The following FANCB variants were observed in gnomAD, a reference collection of about 807,000 sequenced individuals.
FANCB encodes the protein Fanconi anemia group B protein.
A neutral mutation model predicts 38.9 loss-of-function variants in FANCB; 5 were observed. The observed-to-expected ratio is 0.13, with a 90% confidence interval of 0.07 to 0.27. FANCB has a LOEUF of 0.27. Among genes scored for constraint, FANCB ranks in the 10% least tolerant of loss-of-function variants. The pLI, the probability that FANCB is intolerant of heterozygous loss-of-function variation, is 1.00. For missense variants in FANCB, 573 were observed against 602.7 expected, an observed-to-expected ratio of 0.95 and a Z score of 0.52; for synonymous variants, 236 against 215.4, an observed-to-expected ratio of 1.10 and a Z score of -0.84.
At chrX:14,719,433 C>T in the FANCB span, among the ~76,000 whole-genome samples, 1 of 111,813 alleles carries the variant, frequency 8.9e-6, no homozygotes, top group East Asian at 2.8e-4. Flanking sequence ...ATACAAATGA[C>T]CAACAGGTAT....
the FANCB span, among the ~76,000 whole-genome samples, chrX:14,754,732 T>C: frequency 3.6e-5 from 4 of 110,598 alleles, no homozygotes; most frequent in East Asian, 1.1e-3. Context: ...GGGGTACACA[T>C]GCAGGTTTTT....
chrX:14,763,380 G>A, the FANCB span, among the ~76,000 whole-genome samples: 5 of 112,139 alleles, frequency 4.5e-5, no homozygotes, highest in Admixed American at 4.7e-4. Flanking sequence ...CCATATGAAT[G>A]AATCTCACAA....
chrX:14,840,481 G>A (rs2092352197), downstream of FANCB, among the ~76,000 whole-genome samples: 1 of 111,223 alleles, frequency 9.0e-6, no homozygotes, highest in Admixed American at 9.6e-5. Context: ...ATTAACCTCT[G>A]GAACTAGGGA....
chrX:14,743,505 A>G, the FANCB span, among the ~76,000 whole-genome samples: 1 of 109,604 alleles, frequency 9.1e-6, no homozygotes, highest in African/African-American at 3.3e-5. Flanking sequence ...AAAAAATGCT[A>G]TATTACCCTC....
chrX:14,771,514 A>G, the FANCB span, among the ~76,000 whole-genome samples: 2 of 111,431 alleles, frequency 1.8e-5, no homozygotes, highest in Admixed American at 1.9e-4. Flanking sequence ...CAAACTGGCT[A>G]TTCTGGCTAT....
At chrX:14,813,655 A>C in the FANCB span, among the ~76,000 whole-genome samples, 1 of 111,466 alleles carries the variant, frequency 9.0e-6, no homozygotes, top group African/African-American at 3.3e-5. Flanking sequence ...GCTACAAACC[A>C]CTACTCAACG....
chrX:14,719,298 T>C, the FANCB span, among the ~76,000 whole-genome samples: 1 of 111,794 alleles, frequency 8.9e-6, no homozygotes, highest in African/African-American at 3.3e-5. Flanking sequence ...TTTCAAACTC[T>C]TCATCCAATA....
chrX:14,858,008 G>C, intron 4 of FANCB, 54 bp from the exon 5 acceptor site: 2 of 776,451 alleles, frequency 2.6e-6, no homozygotes, highest in South Asian at 4.4e-5. Flanking sequence ...TGCAACAATT[G>C]AAAATTCACA....
At chrX:14,770,778 T>G in the FANCB span, among the ~76,000 whole-genome samples, 2 of 112,293 alleles carry the variant, frequency 1.8e-5, no homozygotes, top group African/African-American at 3.2e-5. Context: ...ATAATGGTTT[T>G]TCCTTTCCAT....
the FANCB span, among the ~76,000 whole-genome samples, chrX:14,822,316 T>C: frequency 9.1e-6 from 1 of 110,133 alleles, no homozygotes; most frequent in Non-Finnish European, 1.9e-5. Context: ...CCTCCACTGA[T>C]GCCATGGGGG....
At chrX:14,745,966 C>T in the FANCB span, among the ~76,000 whole-genome samples, 1 of 110,317 alleles carries the variant, frequency 9.1e-6, no homozygotes, top group Non-Finnish European at 1.9e-5. Flanking sequence ...TCCCAAAGTG[C>T]TGGGATTACA....
the FANCB span, among the ~76,000 whole-genome samples, chrX:14,793,913 A>AG: frequency 8.9e-6 from 1 of 111,854 alleles, no homozygotes; most frequent in South Asian, 3.7e-4. Context: ...ATGGAAGGGC[A>AG]GGAGATGAGA....
the FANCB span, among the ~76,000 whole-genome samples, chrX:14,762,443 G>A: frequency 9.0e-6 from 1 of 110,977 alleles, no homozygotes; most frequent in Admixed American, 9.6e-5. Flanking sequence ...CACTGTACCC[G>A]GCCAGGCCCC....
At chrX:14,821,966 G>T in the FANCB span, among the ~76,000 whole-genome samples, 2 of 111,846 alleles carry the variant, frequency 1.8e-5, no homozygotes, top group South Asian at 3.8e-4. Context: ...TTGAAGAGAC[G>T]GGAGAAATCC....
chrX:14,831,662 G>A (rs112307408), downstream of FANCB, among the ~76,000 whole-genome samples: 27,328 of 110,337 alleles, frequency 0.25, 2,757 homozygotes, highest in Non-Finnish European at 0.31. Context: ...GCCACATAGG[G>A]AATTTGATCT....
the FANCB span, among the ~76,000 whole-genome samples, chrX:14,740,207 G>C: frequency 9.0e-6 from 1 of 111,490 alleles, no homozygotes; most frequent in African/African-American, 3.3e-5. Context: ...GAAATATTTA[G>C]GGGCAGGGTA....
At chrX:14,835,565 G>A (rs1009694375), downstream of FANCB, among the ~76,000 whole-genome samples, 7 of 111,737 alleles carry the variant, frequency 6.3e-5, no homozygotes, top group Non-Finnish European at 1.3e-4. Flanking sequence ...AGCAGGTTTC[G>A]GGTAGGGCCC....
At chrX:14,799,329 G>A in the FANCB span, among the ~76,000 whole-genome samples, 1 of 111,513 alleles carries the variant, frequency 9.0e-6, no homozygotes. Flanking sequence ...AGTTGTCAAG[G>A]GCCCAGACAC....
chrX:14,838,255 T>C (rs1405413797), intron 10 of FANCB, among the ~76,000 whole-genome samples: 2 of 111,901 alleles, frequency 1.8e-5, no homozygotes, highest in Non-Finnish European at 3.8e-5. Context: ...GTGTGGGCTA[T>C]AATTTTAACA....
Sources: gnomAD v4.1 joint callset for allele counts (sites outside exome capture counted in the v4.1 genomes callset) on GRCh38, gnomAD v4.1.1 for gene constraint, MANE v1.5 for transcripts, NCBI Gene and HGNC (gene_info 2026-07-23, HGNC 2026-07-21) for gene names.